CDH7: variants seen among roughly 807,000 people sequenced by gnomAD.
The protein encoded by CDH7 is cadherin-7.
A neutral mutation model predicts 71.8 loss-of-function variants in CDH7; 25 were observed. That is an observed-to-expected ratio of 0.35 (90% CI 0.25 to 0.49). The LOEUF (loss-of-function observed/expected upper bound fraction) is 0.49. CDH7 is among the 20% of genes least tolerant of loss of function. The probability of loss-of-function intolerance (pLI) is 0.99; values close to 1 mark genes in which losing one functional copy is unlikely to be tolerated. For missense variants in CDH7, 862 were observed against 974.6 expected, an observed-to-expected ratio of 0.88 and a Z score of 1.54; for synonymous variants, 381 against 363.8, an observed-to-expected ratio of 1.05 and a Z score of -0.54.
At chr18:65,812,433 A>G (rs1249983766) in intron 3 of CDH7, among the ~76,000 whole-genome samples, 1 of 152,232 alleles carries the variant, frequency 6.6e-6, no homozygotes, top group Admixed American at 6.5e-5. Flanking sequence ...CCTAAACTAC[A>G]TAACATACGT....
chr18:65,764,503 T>C (rs1231321477), intron 2 of CDH7, among the ~76,000 whole-genome samples: 3 of 152,070 alleles, frequency 2.0e-5, no homozygotes, highest in African/African-American at 7.2e-5. Context: ...TGTCTCACTC[T>C]CTTTTTACTT....
At chr18:65,805,228 T>C (rs1446652589) in intron 2 of CDH7, among the ~76,000 whole-genome samples, 1 of 152,094 alleles carries the variant, frequency 6.6e-6, no homozygotes, top group Non-Finnish European at 1.5e-5. Context: ...AACAAGAAAC[T>C]ACAGAAAATA....
At chr18:65,810,921 C>T (rs1222050780) in intron 3 of CDH7, among the ~76,000 whole-genome samples, 1 of 152,008 alleles carries the variant, frequency 6.6e-6, no homozygotes, top group African/African-American at 2.4e-5. Context: ...TAGAAAGATA[C>T]CCAGTAAAGC....
chr18:65,783,347 T>C (rs138905909), intron 2 of CDH7, among the ~76,000 whole-genome samples: 1,620 of 152,264 alleles, frequency 0.011, 30 homozygotes, highest in African/African-American at 0.037. Context: ...AGTTGACCAT[T>C]CTGAAAAGCT....
chr18:65,752,623 G>A (rs1256360885), intron 1 of CDH7, among the ~76,000 whole-genome samples: 1 of 152,152 alleles, frequency 6.6e-6, no homozygotes, highest in African/African-American at 2.4e-5. Flanking sequence ...TGAACAGTAT[G>A]AATTAAAATG....
chr18:65,877,337 G>T (rs567257354), intron 11 of CDH7, among the ~76,000 whole-genome samples: 1 of 151,902 alleles, frequency 6.6e-6, no homozygotes, highest in African/African-American at 2.4e-5. Flanking sequence ...AGAATCAGAA[G>T]TCAAGTTTAT....
intron 6 of CDH7, among the ~76,000 whole-genome samples, chr18:65,837,898 G>T (rs766464362): frequency 6.7e-6 from 1 of 149,708 alleles, no homozygotes; most frequent in Non-Finnish European, 1.5e-5. Context: ...GTTCTGGGTA[G>T]TATGTTTATT....
At chr18:65,800,726 T>C (rs1216860470) in intron 2 of CDH7, among the ~76,000 whole-genome samples, 2 of 152,212 alleles carry the variant, frequency 1.3e-5, no homozygotes, top group Non-Finnish European at 2.9e-5. Flanking sequence ...TTATAGAATA[T>C]AGGTTATAAT....
At chr18:65,861,329 G>A (rs1353253955) in intron 10 of CDH7, among the ~76,000 whole-genome samples, 1 of 50,248 alleles carries the variant, frequency 2.0e-5, no homozygotes, top group Non-Finnish European at 1.2e-4. Context: ...TTCACCGTGT[G>A]TGTGTGTGTT....
intron 2 of CDH7, among the ~76,000 whole-genome samples, chr18:65,777,111 AAG>A (rs890800284): frequency 2.6e-5 from 4 of 152,098 alleles, no homozygotes; most frequent in African/African-American, 9.7e-5. Flanking sequence ...GAAAAACCAG[AAG>A]AAAAATGAAG....
At chr18:65,784,948 A>T (rs188707887) in intron 2 of CDH7, among the ~76,000 whole-genome samples, 2 of 152,280 alleles carry the variant, frequency 1.3e-5, no homozygotes, top group East Asian at 3.9e-4. Flanking sequence ...TCCCTTCCAG[A>T]GGAAGATGTT....
intron 7 of CDH7, among the ~76,000 whole-genome samples, chr18:65,857,003 A>T (rs972459644): frequency 1.6e-5 from 2 of 122,528 alleles, no homozygotes; most frequent in African/African-American, 3.1e-5. Context: ...GGTCAAGACC[A>T]CTGAGTAAGA....
intron 7 of CDH7, among the ~76,000 whole-genome samples, chr18:65,847,025 T>C (rs144115217): frequency 3.8e-5 from 1 of 26,202 alleles, no homozygotes; most frequent in South Asian, 0.022. Context: ...CAGGTTGTCT[T>C]GTACTCACGC....
At position 65,886,278 on chromosome 18, in the gene CDH7, G is replaced by T. The variant is rs1248068899; in HGVS notation, c.*5384G>T. On this transcript the variant is annotated 3_prime_UTR_variant, in exon 12 of 12. Transcript: ENST00000397968. Reference sequence around the variant, plus strand: ...GAATTATATAAAAAGGTTGATAATTGTTATATGGTAAACAGAGAATTTCTG... The same window carrying T: ...GAATTATATAAAAAGGTTGATAATTTTTATATGGTAAACAGAGAATTTCTG... The T allele has an allele frequency of 6.6e-6, 1 of 152,150 alleles. No homozygotes were observed. The highest frequency in any genetic ancestry group is 2.4e-5 in the African/African-American group (1 of 41,428). 9.4% of individuals were successfully genotyped at this position (152,150 alleles called of 1,614,324 possible).
At chr18:65,859,996 A>G (rs1437836243) in intron 10 of CDH7, among the ~76,000 whole-genome samples, 171 bp downstream of exon 10, 1 of 152,188 alleles carries the variant, frequency 6.6e-6, no homozygotes, top group Non-Finnish European at 1.5e-5. Flanking sequence ...CATGAAGGAA[A>G]AGCTGCTATT....
intron 6 of CDH7, among the ~76,000 whole-genome samples, chr18:65,837,226 C>T (rs1912561283): frequency 6.6e-6 from 1 of 152,090 alleles, no homozygotes; most frequent in Non-Finnish European, 1.5e-5. Context: ...GACAGTTTAA[C>T]AGGTAAGGAA....
intron 1 of CDH7, among the ~76,000 whole-genome samples, chr18:65,759,840 T>A (rs905182032): frequency 1.3e-5 from 2 of 152,146 alleles, no homozygotes; most frequent in African/African-American, 4.8e-5. Flanking sequence ...CCTAGTGAAC[T>A]AAAATAAATT....
chr18:65,758,316 C>A (rs1370044623), intron 1 of CDH7, among the ~76,000 whole-genome samples: 1 of 152,138 alleles, frequency 6.6e-6, no homozygotes, highest in African/African-American at 2.4e-5. Context: ...ACTCGCCTTT[C>A]TCTTGAAAAT....
chr18:65,834,647 T>C (rs1912470488), intron 6 of CDH7, among the ~76,000 whole-genome samples: 1 of 152,178 alleles, frequency 6.6e-6, no homozygotes, highest in Non-Finnish European at 1.5e-5. Flanking sequence ...GAAGAGAGAA[T>C]TGATGGATCC....
Sources: gnomAD v4.1 joint callset for allele counts (sites outside exome capture counted in the v4.1 genomes callset) on GRCh38, gnomAD v4.1.1 for gene constraint, MANE v1.5 for transcripts, NCBI Gene and HGNC (gene_info 2026-07-23, HGNC 2026-07-21) for gene names.